Variants in XRRA1 observed in about 807,000 individuals in gnomAD.
The protein encoded by XRRA1 is X-ray radiation resistance-associated protein 1.
XRRA1 carries 69 observed loss-of-function variants against 80.2 expected under a neutral mutation model. The observed-to-expected ratio is 0.86, with a 90% CI of 0.71 to 1.05. XRRA1 has a LOEUF of 1.05. Ranked by LOEUF, XRRA1 falls within the 50% of genes least tolerant of loss-of-function variation. The pLI is 0.00. For missense variants in XRRA1, 967 were observed against 976.4 expected (o/e 0.99, Z 0.13); for synonymous variants, 348 against 389.9 (o/e 0.89, Z 1.27).
At chr11:74,946,729 G>A (rs1301166389) in intron 1 of XRRA1, among the ~76,000 whole-genome samples, 1 of 151,694 alleles carries the variant, frequency 6.6e-6, no homozygotes, top group African/African-American at 2.4e-5. Flanking sequence ...GTCAGGTCAG[G>A]CCTGGGTCCT....
At chr11:74,851,497 C>CT (rs2039838858) in intron 13 of XRRA1, among the ~76,000 whole-genome samples, 1 of 152,150 alleles carries the variant, frequency 6.6e-6, no homozygotes, top group African/African-American at 2.4e-5. Flanking sequence ...GCCCAGGACT[C>CT]TAAAATGCCT....
intron 10 of XRRA1, among the ~76,000 whole-genome samples, chr11:74,882,491 A>C (rs1268260471): frequency 6.6e-6 from 1 of 152,150 alleles, no homozygotes; most frequent in Admixed American, 6.5e-5. Context: ...TGATCGTCTG[A>C]AGCCTTCTTC....
At chr11:74,940,581 A>G (rs1383723400) in intron 3 of XRRA1, among the ~76,000 whole-genome samples, 1 of 152,236 alleles carries the variant, frequency 6.6e-6, no homozygotes, top group Non-Finnish European at 1.5e-5. Context: ...AGGAGTTAGC[A>G]ATGAGAAGTC....
At chr11:74,898,153 T>C (rs1025880092) in intron 10 of XRRA1, among the ~76,000 whole-genome samples, 1 of 152,224 alleles carries the variant, frequency 6.6e-6, no homozygotes, top group Non-Finnish European at 1.5e-5. Context: ...GTTAGTTTTC[T>C]TTTGACATGT....
intron 10 of XRRA1, among the ~76,000 whole-genome samples, chr11:74,894,685 G>A (rs990540523): frequency 2.6e-5 from 4 of 152,180 alleles, no homozygotes; most frequent in Non-Finnish European, 5.9e-5. Flanking sequence ...ACTTCCCACT[G>A]GGTGGGGATT....
intron 10 of XRRA1, among the ~76,000 whole-genome samples, chr11:74,903,113 A>G (rs1451796032): frequency 2.0e-5 from 3 of 152,210 alleles, no homozygotes; most frequent in Non-Finnish European, 4.4e-5. Context: ...GAAGACAAGA[A>G]CCCTTATGTA....
At chr11:74,877,942 T>C (rs1445869197) in intron 10 of XRRA1, among the ~76,000 whole-genome samples, 50 of 152,062 alleles carry the variant, frequency 3.3e-4, no homozygotes, top group African/African-American at 1.1e-3. Context: ...TGTGTCTTTA[T>C]AGCAGCATGA....
At chr11:74,893,784 T>C (rs2137464542) in intron 10 of XRRA1, among the ~76,000 whole-genome samples, 1 of 152,350 alleles carries the variant, frequency 6.6e-6, no homozygotes, top group Middle Eastern at 3.4e-3. Flanking sequence ...GGAAGGCTTA[T>C]ACACTGCTGG....
intron 1 of XRRA1, among the ~76,000 whole-genome samples, chr11:74,948,125 C>A (rs904140261): frequency 1.3e-5 from 2 of 152,104 alleles, no homozygotes; most frequent in African/African-American, 2.4e-5. Flanking sequence ...GTAAGAAACT[C>A]AAAAATATTT....
chr11:74,947,993 A>T (rs1265182642), intron 1 of XRRA1, among the ~76,000 whole-genome samples: 1 of 152,048 alleles, frequency 6.6e-6, no homozygotes, highest in African/African-American at 2.4e-5. Flanking sequence ...GATTACAACC[A>T]TGAGCCCCCA....
At chr11:74,879,797 G>C (rs1418868101) in intron 10 of XRRA1, among the ~76,000 whole-genome samples, 9 of 148,982 alleles carry the variant, frequency 6.0e-5, no homozygotes, top group Non-Finnish European at 4.5e-5. Context: ...AACCAGCCTT[G>C]CATCCCAGGG....
chr11:74,858,021 T>A (rs1228071397), intron 12 of XRRA1, among the ~76,000 whole-genome samples: 1 of 152,202 alleles, frequency 6.6e-6, no homozygotes, highest in African/African-American at 2.4e-5. Flanking sequence ...CTAAATCAAT[T>A]AACTAAAGTT....
intron 11 of XRRA1, among the ~76,000 whole-genome samples, chr11:74,860,547 A>G (rs2042104128): frequency 6.6e-6 from 1 of 152,218 alleles, no homozygotes; most frequent in Non-Finnish European, 1.5e-5. Context: ...AAGGCCACTA[A>G]AAGTCTCAAC....
intron 12 of XRRA1, among the ~76,000 whole-genome samples, chr11:74,856,289 C>A (rs1281619328): frequency 6.6e-6 from 1 of 152,022 alleles, no homozygotes; most frequent in African/African-American, 2.4e-5. Context: ...AGATATGTGA[C>A]AATAGACAAA....
chr11:74,940,698 G>T, intron 3 of XRRA1, 87 bp downstream of exon 3: 2 of 1,065,110 alleles, frequency 1.9e-6, no homozygotes, highest in Non-Finnish European at 2.8e-6. Flanking sequence ...AGTAGTGAAG[G>T]GGTTGGAGAA....
intron 12 of XRRA1, among the ~76,000 whole-genome samples, chr11:74,855,693 C>A (rs1299010754): frequency 6.6e-6 from 1 of 152,184 alleles, no homozygotes; most frequent in Non-Finnish European, 1.5e-5. Flanking sequence ...TTTGACACAA[C>A]AATTTCTAGT....
At chr11:74,877,481 C>T (rs1436994655) in intron 10 of XRRA1, among the ~76,000 whole-genome samples, 1 of 151,642 alleles carries the variant, frequency 6.6e-6, no homozygotes, top group East Asian at 1.9e-4. Context: ...TTTTATTATA[C>T]TTTAAGTTTT....
intron 10 of XRRA1, among the ~76,000 whole-genome samples, chr11:74,867,082 C>T (rs899901040): frequency 1.3e-5 from 2 of 152,120 alleles, no homozygotes; most frequent in African/African-American, 4.8e-5. Context: ...GCACCCTGGC[C>T]CATCCAAAGG....
rs61746074 is a variant in XRRA1, at chr11:74,927,441, T to C, written c.472A>G (p.Asn158Asp). The change falls in exon 7 of 19, where the codon AAT becomes GAT. Residue 158 changes from asparagine to aspartate, a missense_variant. Asn to Asp is a conservative substitution (Grantham distance 23, BLOSUM62 1). Coordinates refer to ENST00000684022, the MANE Select transcript of XRRA1 (RefSeq NM_001378157.1). ...PALKELDLAF[N>D]GIKTIYVKYG... ...TTCACGTAGATAGTTTTGATGCCAT[T>C]AAATGCGAGATCCAGTTCCTTTAGG... is the stretch of plus-strand genomic sequence containing the variant. The C allele has an allele frequency of 8.8e-4, 1,419 of 1,613,702 alleles. 17 individuals are homozygous for C. In the African/African-American group the frequency reaches 0.017, roughly 20 times the overall value.
Sources: gnomAD v4.1 joint callset for allele counts (sites outside exome capture counted in the v4.1 genomes callset) on GRCh38, gnomAD v4.1.1 for gene constraint, MANE v1.5 for transcripts, NCBI Gene and HGNC (gene_info 2026-07-23, HGNC 2026-07-21) for gene names.